Variants in ZNF287 observed in about 807,000 individuals in gnomAD.
ZNF287 encodes zinc finger protein with KRAB and SCAN domains 13.
ZNF287 carries 31 observed loss-of-function variants against 73.7 expected under a neutral mutation model. That is an observed-to-expected ratio of 0.42 (90% confidence interval 0.32 to 0.57). The LOEUF (loss-of-function observed/expected upper bound fraction) is 0.57, where lower values mean the gene tolerates loss of function less well. ZNF287 is among the 20% of genes least tolerant of loss of function. The probability of loss-of-function intolerance (pLI) is 0.13; values close to 1 mark genes in which losing one functional copy is unlikely to be tolerated. For missense variants in ZNF287, 641 were observed against 909.3 expected, an observed-to-expected ratio of 0.70 and a Z score of 3.79; for synonymous variants, 301 against 307.2, an observed-to-expected ratio of 0.98 and a Z score of 0.21.
At chr17:16,559,572 A>AAC (rs148356389) in intron 5 of ZNF287, among the ~76,000 whole-genome samples, 3,631 of 146,658 alleles carry the variant, frequency 0.025, 61 homozygotes, top group South Asian at 0.039. Flanking sequence ...TAAAAGAACT[A>AAC]ACACACACAC....
At position 16,552,234 on chromosome 17, in the gene ZNF287, A is replaced by T; in HGVS notation, c.1908T>A (p.Thr636=). The part of the protein sequence containing the change: ...GKAFSQSVHL[T]QHQRIHNGEK... The stretch of plus-strand genomic sequence containing the variant: ...CTCCATTATGAATCCTCTGATGTTG[A>T]GTAAGGTGCACACTCTGGCTGAATG... The change falls in exon 6 of 6, where the codon ACT becomes ACA. Residue 636 remains threonine, a synonymous_variant. Coordinates refer to ENST00000395825, the MANE Select transcript of ZNF287 (RefSeq NM_020653.4). This position sits in a 1 kb window ranked among gnomAD's most constrained non-coding sequence, Gnocchi z 6.5. 6.2e-7 allele frequency: 1 copy of T among 1,614,054 alleles called. No individual in the cohort carries two copies.
intron 5 of ZNF287, chr17:16,557,854 C>G (rs564932090): frequency 2.6e-5 from 4 of 152,210 alleles, no homozygotes; most frequent in Non-Finnish European, 4.4e-5. Flanking sequence ...AACCTCACCT[C>G]TAAAAGATGA....
In ZNF287 at chr17:16,550,981, TA is replaced by T. The variant is rs1178719470; in HGVS notation, c.*874del. Among the ~76,000 whole-genome samples, 4 of 151,608 alleles carry T rather than the reference TA, an allele frequency of 2.6e-5. No homozygotes were observed. The highest frequency in any genetic ancestry group is 9.8e-5 in the African/African-American group (4 of 40,874). Reference sequence around the variant, plus strand: ...CTGTTTAACTAAATCTCTACACATCTAATGTTATATACACATTAGTTTCTAT... The same window carrying T: ...CTGTTTAACTAAATCTCTACACATCTATGTTATATACACATTAGTTTCTAT... On this transcript the variant is annotated 3_prime_UTR_variant, in exon 6 of 6. Transcript: ENST00000395825.
intron 3 of ZNF287, among the ~76,000 whole-genome samples, chr17:16,564,568 A>T (rs1257522177): frequency 6.6e-6 from 1 of 152,190 alleles, no homozygotes; most frequent in African/African-American, 2.4e-5. Flanking sequence ...GTGCTTTAAG[A>T]ATAAATCCAA....
At chr17:16,563,649 AT>A in intron 4 of ZNF287, 49 bp downstream of exon 4, 1 of 1,573,920 alleles carries the variant, frequency 6.4e-7, no homozygotes, top group East Asian at 2.3e-5. Context: ...GGACCAACCC[AT>A]TTTTAATGGG....
Position 16,548,820 on chromosome 17 carries a change from GTGGGGAC to G in ZNF287, c.*3029_*3035del, listed in dbSNP as rs1906450374. 6.6e-6 allele frequency among the ~76,000 whole-genome samples: 1 copy of G among 152,116 alleles called. No homozygotes were observed. Among genetic ancestry groups the G allele is most frequent in the Non-Finnish European group, 1.5e-5 (1 of 68,030 alleles). On this transcript the variant is annotated 3_prime_UTR_variant, in exon 6 of 6. Transcript: ENST00000395825. The stretch of plus-strand genomic sequence containing the variant: ...GTCTCAAAAAAAAGGAAAAACCAAA[GTGGGGAC>G]TGTTCTAGATAGATGAAACAGATAA...
At position 16,560,643 on chromosome 17, in the gene ZNF287, C is replaced by T. The variant is rs150842557; in HGVS notation, c.715+2503G>A. On this transcript the variant is annotated intron_variant, in intron 5 of 5. Coordinates refer to ENST00000395825, the MANE Select transcript of ZNF287 (RefSeq NM_020653.4). ...GATTACAAGCGCGAGCCACCGTACCCGGCTGAAAGGGCTATTCTTTAATGA... is the reference window on the plus strand; with the variant it reads ...GATTACAAGCGCGAGCCACCGTACCTGGCTGAAAGGGCTATTCTTTAATGA... Among the ~76,000 whole-genome samples the T allele has an allele frequency of 9.6e-3, 1,465 of 152,000 alleles. 18 individuals are homozygous for T. Among genetic ancestry groups the T allele is most frequent in the Non-Finnish European group, 0.012 (797 of 67,952 alleles).
In ZNF287 at chr17:16,553,420, T is replaced by C. The variant is rs776218584; in HGVS notation, c.722A>G (p.Glu241Gly). ...TGGAGTACATGCTTGGGCTTTAGTTTCCCATTCTGAAATAAAAAATATATT... is the reference window on the plus strand; with the variant it reads ...TGGAGTACATGCTTGGGCTTTAGTTCCCCATTCTGAAATAAAAAATATATT... Reference protein sequence around the residue: ...EILEGPSPEWETKAQACTPVE... With the variant: ...EILEGPSPEWGTKAQACTPVE... The change falls in exon 6 of 6, where the codon GAA (glutamate) becomes GGA (glycine). Residue 241 changes from glutamate to glycine, a missense_variant. By Grantham distance (98) the Glu-to-Gly change is moderately conservative. This residue lies in a region of ZNF287 where 357 missense variants were observed against 442.4 expected (regional missense o/e 0.81). Coordinates refer to ENST00000395825, the MANE Select transcript of ZNF287 (RefSeq NM_020653.4). The C allele has an allele frequency of 7.4e-6, 11 of 1,487,300 alleles. No individual in the cohort carries two copies. In the African/African-American group the frequency reaches 1.6e-4, roughly 21 times the overall value. 92.1% of individuals were successfully genotyped at this position (1,487,300 alleles called of 1,614,324 possible).
rs1042282760 is a variant in ZNF287 at position 16,567,313 on chromosome 17, G to C, written c.403+16C>G. ...CCACCCAGGGATTCCTCCCCTCTCT[G>C]CTCTATGATTCTCACCTTCCTCTTC... On this transcript the variant is annotated intron_variant, in intron 2 of 5. Transcript: ENST00000395825. The C allele has an allele frequency of 1.9e-6, 3 of 1,602,646 alleles. No individual in the cohort carries two copies. In the South Asian group the frequency reaches 3.4e-5, roughly 18 times the overall value.
At chr17:16,564,598 T>A (rs1244829427) in intron 3 of ZNF287, among the ~76,000 whole-genome samples, 1 of 152,230 alleles carries the variant, frequency 6.6e-6, no homozygotes, top group Non-Finnish European at 1.5e-5. Flanking sequence ...ATTAAAATGT[T>A]AAGATATTTT....
Position 16,550,457 on chromosome 17 carries a change from C to T in ZNF287, c.*1399G>A, listed in dbSNP as rs191092798. The stretch of plus-strand genomic sequence containing the variant: ...CTCCACTAAAATTTCACCTTTTCCC[C>T]GACCCACATTCTGCAGTGAATTCAG... On this transcript the variant is annotated 3_prime_UTR_variant, in exon 6 of 6. Coordinates refer to ENST00000395825, the MANE Select transcript of ZNF287 (RefSeq NM_020653.4). Among the ~76,000 whole-genome samples the T allele has an allele frequency of 1.1e-4, 17 of 152,180 alleles. No individual in the cohort carries two copies. Among genetic ancestry groups the T allele is most frequent in the South Asian group, 4.2e-4 (2 of 4,816 alleles).
intron 4 of ZNF287, 114 bp downstream of exon 4, chr17:16,563,585 G>T: frequency 1.6e-6 from 2 of 1,246,960 alleles, no homozygotes; most frequent in Non-Finnish European, 1.1e-6. Flanking sequence ...TTTCGTGCTT[G>T]AATGAGATAA....
Position 16,567,586 on chromosome 17 carries a change from C to T in ZNF287, c.146G>A (p.Arg49Gln). The stretch of plus-strand genomic sequence containing the variant: ...GTATGGAAAATTCCTAAAATTCTGT[C>T]GACAGGTCTCAGTGTCACGCAAGAA... ...SRFLRDTETC[R>Q]QNFRNFPYPD... Residue 49 changes from arginine (R) to glutamine (Q), a missense_variant, in exon 2 of 6, where the codon CGA becomes CAA. By Grantham distance (43) the Arg-to-Gln change is conservative. Transcript: ENST00000395825. The T allele has an allele frequency of 6.2e-7, 1 of 1,614,188 alleles. No homozygotes were observed. The highest frequency in any genetic ancestry group is 8.5e-7 in the Non-Finnish European group (1 of 1,180,040).
Position 16,551,405 on chromosome 17 carries a change from CAG to C in ZNF287, c.*449_*450del, listed in dbSNP as rs1295755232. ...ACTGGAATTTTTTTTTTCAACTGAA[CAG>C]AGTTTGAAAGCACATTATTCAGGGA... On this transcript the variant is annotated 3_prime_UTR_variant, in exon 6 of 6. Transcript: ENST00000395825. The C allele has an allele frequency of 6.3e-6, 1 of 159,650 alleles. No individual in the cohort carries two copies. Among genetic ancestry groups the C allele is most frequent in the African/African-American group, 2.4e-5 (1 of 41,196 alleles). 9.9% of individuals were successfully genotyped at this position (159,650 alleles called of 1,614,324 possible).
intron 5 of ZNF287, among the ~76,000 whole-genome samples, chr17:16,557,641 A>G (rs974363034): frequency 6.6e-5 from 10 of 152,068 alleles, no homozygotes; most frequent in Non-Finnish European, 1.2e-4. Context: ...GCAAGAAGTC[A>G]GTAATAGTTG....
chr17:16,568,448 C>T (rs1907883145), intron 1 of ZNF287, among the ~76,000 whole-genome samples: 1 of 152,140 alleles, frequency 6.6e-6, no homozygotes, highest in African/African-American at 2.4e-5. Flanking sequence ...GTTGGGAAGA[C>T]CAGCGGGTTG....
At chr17:16,555,751 A>G (rs929751175) in intron 5 of ZNF287, among the ~76,000 whole-genome samples, 1 of 152,198 alleles carries the variant, frequency 6.6e-6, no homozygotes, top group African/African-American at 2.4e-5. Context: ...ATTACTTAAC[A>G]CAAAATTTAA....
At chr17:16,555,521 G>A (rs1307453523) in intron 5 of ZNF287, among the ~76,000 whole-genome samples, 1 of 151,194 alleles carries the variant, frequency 6.6e-6, no homozygotes, top group Non-Finnish European at 1.5e-5. Context: ...CAACTGAAAT[G>A]GTAAAATAAA....
intron 5 of ZNF287, among the ~76,000 whole-genome samples, chr17:16,562,334 A>T (rs563473781): frequency 6.6e-6 from 1 of 152,342 alleles, no homozygotes; most frequent in Non-Finnish European, 1.5e-5. Context: ...ACAAAACAGT[A>T]TGTATTGTAT....
Sources: gnomAD v4.1 joint callset for allele counts (sites outside exome capture counted in the v4.1 genomes callset) on GRCh38, gnomAD v4.1.1 for gene constraint, gnomAD v4.1.1 regional missense constraint, Gnocchi (gnomAD v3.1) non-coding constraint, MANE v1.5 for transcripts, NCBI Gene and HGNC (gene_info 2026-07-23, HGNC 2026-07-21) for gene names.